Variants in KIAA1549L observed in about 807,000 individuals in gnomAD.
KIAA1549L encodes the protein UPF0606 protein KIAA1549L.
Under a neutral mutation model 160.7 loss-of-function variants are expected in KIAA1549L, and 88 were observed. That is an observed-to-expected ratio of 0.55 (90% CI 0.46 to 0.65). The LOEUF is 0.65. Among genes scored for constraint, KIAA1549L ranks in the 30% least tolerant of loss-of-function variants. The pLI is 0.00. For synonymous variants in KIAA1549L, 950 were observed against 976.7 expected (o/e 0.97, Z 0.51); for missense variants, 2,258 against 2,437.5 (o/e 0.93, Z 1.55).
chr11:33,618,425 T>A, intron 15 of KIAA1549L, 108 bp from the exon 16 acceptor site: 1 of 949,396 alleles, frequency 1.1e-6, no homozygotes, highest in South Asian at 2.4e-5. Flanking sequence ...TTCTGAGATT[T>A]GTGAGGCAAA....
At chr11:33,664,486 A>C (rs894946962) in intron 20 of KIAA1549L, among the ~76,000 whole-genome samples, 17 of 152,068 alleles carry the variant, frequency 1.1e-4, no homozygotes, top group Non-Finnish European at 2.4e-4. Flanking sequence ...CACCCCATCC[A>C]ATTGGTGATG....
rs745424079 is a variant in KIAA1549L at position 33,660,923 on chromosome 11, A to G, written c.6068A>G (p.Tyr2023Cys). Residue 2023 changes from tyrosine (Y) to cysteine (C), a missense_variant, in exon 20 of 21, where the codon TAC becomes TGC. By Grantham distance (194) the Tyr-to-Cys change is radical. Around this residue, in one of 6 missense-constraint regions of KIAA1549L, gnomAD observed 1,359 missense variants for 1,546.6 expected, o/e 0.88. Transcript: ENST00000658780. ...PAANRPGFTGYFIPTPPSSYR... is the reference protein window; with the variant it reads ...PAANRPGFTGCFIPTPPSSYR... ...GCCAACAGACCTGGCTTCACCGGCT[A>G]CTTCATCCCAACGCCTCCCTCATCC... 1 of 1,613,718 alleles carries G rather than the reference A, an allele frequency of 6.2e-7. No homozygotes were observed. The highest frequency in any genetic ancestry group is 2.2e-5 in the East Asian group (1 of 44,874).
intron 17 of KIAA1549L, among the ~76,000 whole-genome samples, chr11:33,652,875 A>T (rs1851938266): frequency 6.6e-6 from 1 of 152,184 alleles, no homozygotes; most frequent in Non-Finnish European, 1.5e-5. Flanking sequence ...CTCCTCCCCA[A>T]CTTCAACCAG....
rs371590824 is a variant in KIAA1549L, at chr11:33,591,347, T to A, written c.4677T>A (p.Asp1559Glu). The stretch of plus-strand genomic sequence containing the variant: ...TGGTTCTCCCACTGCCCATTAGAGA[T>A]GCTCCTCAGGAAAGAGACGTCGCTC... ...ETVVLPLPIR[D>E]APQERDVAQD... is the part of the protein sequence containing the mutation. The change falls in exon 12 of 21, where the codon GAT becomes GAA. Residue 1559 changes from aspartate to glutamate, a missense_variant. Asp to Glu is a conservative substitution (Grantham distance 45). Transcript: ENST00000658780. 3 of 1,613,768 alleles carry A rather than the reference T, an allele frequency of 1.9e-6. No individual in the cohort carries two copies. Among genetic ancestry groups the A allele is most frequent in the Non-Finnish European group, 2.5e-6 (3 of 1,179,726 alleles).
intron 1 of KIAA1549L, among the ~76,000 whole-genome samples, chr11:33,430,078 CCCTCCCTCCCTCTCT>C (rs1851205522): frequency 6.8e-6 from 1 of 147,766 alleles, no homozygotes; most frequent in African/African-American, 2.5e-5. Context: ...TTCCTCCCTT[CCCTCCCTCCCTCTCT>C]CCTCCCTCCC....
intron 9 of KIAA1549L, among the ~76,000 whole-genome samples, chr11:33,573,733 G>A (rs1855349856): frequency 6.6e-6 from 1 of 152,102 alleles, no homozygotes; most frequent in Non-Finnish European, 1.5e-5. Context: ...GCAAAAAGTT[G>A]ATAACCAATG....
At chr11:33,619,064 C>T (rs1301718738) in intron 16 of KIAA1549L, among the ~76,000 whole-genome samples, 1 of 152,176 alleles carries the variant, frequency 6.6e-6, no homozygotes. Context: ...TTCCTGATTT[C>T]ATAACTCCTC....
chr11:33,431,166 G>C (rs1371722056), intron 1 of KIAA1549L, among the ~76,000 whole-genome samples: 1 of 152,168 alleles, frequency 6.6e-6, no homozygotes, highest in Admixed American at 6.5e-5. Flanking sequence ...TGAAGCTGCA[G>C]ATCTTCGCGG....
At chr11:33,658,698 AC>A (rs1852152568) in intron 18 of KIAA1549L, 51 bp from the exon 19 acceptor site, 10 of 1,546,004 alleles carry the variant, frequency 6.5e-6, no homozygotes, top group Non-Finnish European at 2.6e-6. Flanking sequence ...CCTGCTCGGG[AC>A]GCCGCCTGAG....
intron 1 of KIAA1549L, among the ~76,000 whole-genome samples, chr11:33,387,783 C>T (rs1743376332): frequency 6.6e-6 from 1 of 152,152 alleles, no homozygotes; most frequent in Non-Finnish European, 1.5e-5. Flanking sequence ...ATAACAGCCT[C>T]AAGATCTTCC....
At position 33,611,919 on chromosome 11, in the gene KIAA1549L, G is replaced by A. The variant is rs73477250; in HGVS notation, c.5279+1953G>A. On this transcript the variant is annotated intron_variant, in intron 15 of 20. Coordinates refer to ENST00000658780, the MANE Select transcript of KIAA1549L (RefSeq NM_012194.3). Reference sequence around the variant, plus strand: ...TGAAGAATGAACCAAACTTGTTTCTGTAGAGAGGCATCACCTCTGCCTAGC... The same window carrying A: ...TGAAGAATGAACCAAACTTGTTTCTATAGAGAGGCATCACCTCTGCCTAGC... 7.7e-3 allele frequency among the ~76,000 whole-genome samples: 1,166 copies of A among 152,334 alleles called. 12 individuals are homozygous for A. Among genetic ancestry groups the A allele is most frequent in the African/African-American group, 0.026 (1,085 of 41,572 alleles).
At chr11:33,433,950 G>A (rs140248217) in intron 1 of KIAA1549L, among the ~76,000 whole-genome samples, 3,684 of 152,168 alleles carry the variant, frequency 0.024, 72 homozygotes, top group Non-Finnish European at 0.034. Context: ...GGGGTCAGGG[G>A]TGAGGGGAGG....
intron 9 of KIAA1549L, among the ~76,000 whole-genome samples, chr11:33,573,738 C>A (rs1437849454): frequency 1.3e-5 from 2 of 152,074 alleles, no homozygotes; most frequent in Non-Finnish European, 2.9e-5. Context: ...AAGTTGATAA[C>A]CAATGTTCGA....
chr11:33,574,402 T>A (rs1855372959), intron 9 of KIAA1549L, among the ~76,000 whole-genome samples: 1 of 152,234 alleles, frequency 6.6e-6, no homozygotes, highest in African/African-American at 2.4e-5. Context: ...AGAGGCCTAT[T>A]TTCAAATGAG....
At chr11:33,484,908 C>A (rs575447266) in intron 1 of KIAA1549L, among the ~76,000 whole-genome samples, 112 of 152,274 alleles carry the variant, frequency 7.4e-4, no homozygotes, top group African/African-American at 2.5e-3. Context: ...TAAAAGGCAC[C>A]ATGCTGGTAT....
chr11:33,415,619 C>T (rs1269905621), intron 1 of KIAA1549L, among the ~76,000 whole-genome samples: 1 of 152,058 alleles, frequency 6.6e-6, no homozygotes, highest in African/African-American at 2.4e-5. Context: ...AAGCCTGTGT[C>T]CTCTTCTTGG....
In KIAA1549L at chr11:33,543,515, C is replaced by T. The variant is rs760446161; in HGVS notation, c.1952C>T (p.Ala651Val). 1 of 1,614,052 alleles carries T rather than the reference C, an allele frequency of 6.2e-7. No homozygotes were observed. The highest frequency in any genetic ancestry group is 8.5e-7 in the Non-Finnish European group (1 of 1,179,894). The change falls in exon 2 of 21, where the codon GCT (alanine) becomes GTT (valine). Residue 651 changes from alanine (A) to valine (V), a missense_variant. Ala to Val is a moderately conservative substitution (Grantham distance 64). Around this residue, in one of 6 missense-constraint regions of KIAA1549L, gnomAD observed 11 missense variants for 29.9 expected, o/e 0.37. Coordinates refer to ENST00000658780, the MANE Select transcript of KIAA1549L (RefSeq NM_012194.3). ...GGCTTTTCCAGCACCAAGCCAGAGG[C>T]TTATGCAGCTGCTGTGGACCATTCT... Reference protein sequence around the residue: ...SLGFSSTKPEAYAAAVDHSGL... With the variant: ...SLGFSSTKPEVYAAAVDHSGL...
intron 1 of KIAA1549L, among the ~76,000 whole-genome samples, chr11:33,387,895 A>G (rs3886336): frequency 0.061 from 9,251 of 152,236 alleles, 341 homozygotes; most frequent in South Asian, 0.12. Flanking sequence ...ATTAGCAGCC[A>G]AGCCCAGCCA....
chr11:33,580,571 CAAAAA>C (rs368467299), intron 10 of KIAA1549L, among the ~76,000 whole-genome samples: 1 of 52,540 alleles, frequency 1.9e-5, no homozygotes, highest in African/African-American at 5.6e-5. Context: ...GATTCTGCCT[CAAAAA>C]AAAAAAAAAA....
Sources: allele counts gnomAD v4.1 joint callset (sites outside exome capture counted in the v4.1 genomes callset), GRCh38; gene constraint gnomAD v4.1.1; regional missense constraint gnomAD v4.1.1; transcripts MANE v1.5; gene names NCBI Gene and HGNC (gene_info 2026-07-23, HGNC 2026-07-21).